The following NCAPD2 variants were observed in gnomAD, a reference collection of about 807,000 sequenced individuals.
The protein encoded by NCAPD2 is non-SMC condensin I complex subunit D2.
A neutral mutation model predicts 164.5 loss-of-function variants in NCAPD2; 100 were observed. That is an observed-to-expected ratio of 0.61 (90% CI 0.52 to 0.72). NCAPD2 has a LOEUF of 0.72. Among genes scored for constraint, NCAPD2 ranks in the 30% least tolerant of loss-of-function variants. NCAPD2 has a pLI of 0.00. For missense variants in NCAPD2, 1,560 were observed against 1,749.2 expected (o/e 0.89, Z 1.93); for synonymous variants, 585 against 642.6 (o/e 0.91, Z 1.36).
chr12:6,514,699 C>T, intron 8 of NCAPD2, 74 bp from the exon 9 acceptor site: 1 of 1,605,888 alleles, frequency 6.2e-7, no homozygotes, highest in Non-Finnish European at 8.5e-7. Context: ...TATTAGATAC[C>T]TGTCTTACCT....
chr12:6,509,625 A>T, intron 2 of NCAPD2, 92 bp from the exon 3 acceptor site: 1 of 1,152,724 alleles, frequency 8.7e-7, no homozygotes, highest in Non-Finnish European at 1.3e-6. Flanking sequence ...TTCTACCAAT[A>T]AAAGCAATAA....
intron 2 of NCAPD2, among the ~76,000 whole-genome samples, chr12:6,506,967 T>G (rs1437164870): frequency 6.6e-6 from 1 of 152,226 alleles, no homozygotes; most frequent in Non-Finnish European, 1.5e-5. Flanking sequence ...GCCTTACTTT[T>G]CTCCAGTGAG....
At chr12:6,515,028 A>G in intron 9 of NCAPD2, 108 bp downstream of exon 9, 6 of 1,228,570 alleles carry the variant, frequency 4.9e-6, no homozygotes, top group Non-Finnish European at 6.9e-6. Context: ...AGTTGTCTAG[A>G]TTTATCATTG....
chr12:6,518,504 GTTT>G (rs56183938), intron 13 of NCAPD2, among the ~76,000 whole-genome samples: 723 of 44,646 alleles, frequency 0.016, 52 homozygotes, highest in East Asian at 0.1. Context: ...CCGTCAACAA[GTTT>G]TTTTTTTTTT....
Position 6,517,346 on chromosome 12 carries a change from C to T in NCAPD2, c.1186-19C>T, listed in dbSNP as rs370726039. 20 of 1,610,256 alleles carry T rather than the reference C, an allele frequency of 1.2e-5. No individual in the cohort carries two copies. The African/African-American group carries it at 2.1e-4, about 17-fold the overall frequency. The stretch of plus-strand genomic sequence containing the variant: ...TGATGTGGGACTTGAGCAGATTCTT[C>T]TCTTCCTACCCTACACAGGCTCTCC... On this transcript the variant is annotated intron_variant, in intron 10 of 31. Coordinates refer to ENST00000315579, the MANE Select transcript of NCAPD2 (RefSeq NM_014865.4).
intron 29 of NCAPD2, 99 bp from the exon 30 acceptor site, chr12:6,530,592 A>T: frequency 4.7e-6 from 7 of 1,481,716 alleles, no homozygotes; most frequent in Non-Finnish European, 6.4e-6. Flanking sequence ...CTTCTTAGTA[A>T]TGTGCGTTTA....
In NCAPD2 at chr12:6,513,783, T is replaced by C. The variant is rs547200079; in HGVS notation, c.588-482T>C. Among the ~76,000 whole-genome samples, 7 of 143,924 alleles carry C rather than the reference T, an allele frequency of 4.9e-5. No individual in the cohort carries two copies. In the South Asian group the frequency reaches 1.1e-3, roughly 23 times the overall value. 94.4% of individuals were successfully genotyped at this position (143,924 alleles called of 152,430 possible). ...TGGCCTGGAGTGCAGTGGCATGATA[T>C]CAGCTCACTGCAACCTCCACCTCCC... On this transcript the variant is annotated intron_variant, in intron 6 of 31. Transcript: ENST00000315579.
chr12:6,523,035 T>A lies in NCAPD2; in HGVS notation c.2129+33T>A, dbSNP rs778476956. 3.1e-6 allele frequency: 5 copies of A among 1,610,146 alleles called. No individual in the cohort carries two copies. The East Asian group carries it at 6.7e-5, about 22-fold the overall frequency. Reference sequence around the variant, plus strand: ...GGGTGCTTTTGCCTTTGCTGACTTTTCCAAGGTCAGCTTCTCACAGGACTT... The same window carrying A: ...GGGTGCTTTTGCCTTTGCTGACTTTACCAAGGTCAGCTTCTCACAGGACTT... On this transcript the variant is annotated intron_variant, in intron 16 of 31. Transcript: ENST00000315579.
At chr12:6,510,167 T>C in intron 4 of NCAPD2, 34 bp downstream of exon 4, 1 of 1,565,580 alleles carries the variant, frequency 6.4e-7, no homozygotes, top group Non-Finnish European at 8.8e-7. Flanking sequence ...GGATGGAAGG[T>C]GTTTGTTATC....
At chr12:6,513,764 G>A (rs1272680867) in intron 6 of NCAPD2, among the ~76,000 whole-genome samples, 1 of 124,312 alleles carries the variant, frequency 8.0e-6, no homozygotes, top group Non-Finnish European at 1.6e-5. Context: ...CGCCTGGCCT[G>A]GAGTGCAGTG....
At chr12:6,505,924 A>T (rs532908340) in intron 2 of NCAPD2, among the ~76,000 whole-genome samples, 5 of 152,144 alleles carry the variant, frequency 3.3e-5, no homozygotes, top group African/African-American at 9.6e-5. Context: ...TTGGGCTGTG[A>T]ATGATGTCAT....
In NCAPD2 at chr12:6,530,108, C is replaced by G. The variant is rs1946357704; in HGVS notation, c.3837+150C>G. 3 of 745,858 alleles carry G rather than the reference C, an allele frequency of 4.0e-6. No individual in the cohort carries two copies. In the Admixed American group the frequency reaches 1.0e-4, roughly 25 times the overall value. The allele number at this position is 745,858 out of a possible 1,614,324, so 46.2% of individuals were successfully genotyped here. A position where few individuals can be genotyped will look rare whatever the true frequency, so the allele number is the denominator to read the frequency against. On this transcript the variant is annotated intron_variant, in intron 29 of 31. Coordinates refer to ENST00000315579, the MANE Select transcript of NCAPD2 (RefSeq NM_014865.4). ...ACCAAATTGCCAGAGTGACCTAAGA[C>G]CAGATCTTTGTCTCCAGTTCTTTTT...
rs1406807438 is a variant in NCAPD2, at chr12:6,504,216, T to TACACATATATATACACATATATATACAC, written c.128-5500_128-5499insCACATATATATACACATATATATACACA. 1.0e-3 allele frequency among the ~76,000 whole-genome samples: 24 copies of TACACATATATATACACATATATATACAC among 23,236 alleles called. 2 individuals carry two copies. Among genetic ancestry groups the TACACATATATATACACATATATATACAC allele is most frequent in the Non-Finnish European group, 1.9e-3 (24 of 12,732 alleles). 15.2% of individuals were successfully genotyped at this position (23,236 alleles called of 152,430 possible). A position where few individuals can be genotyped will look rare whatever the true frequency, so the allele number is the denominator to read the frequency against. On this transcript the variant is annotated intron_variant, in intron 2 of 31. Transcript: ENST00000315579. ...ATATATATATATATATATATATATA[T>TACACATATATATACACATATATATACAC]AGATATAGATATATATATATATATA... is the stretch of plus-strand genomic sequence containing the variant.
At chr12:6,515,023 T>C in intron 9 of NCAPD2, 103 bp downstream of exon 9, 1 of 1,253,040 alleles carries the variant, frequency 8.0e-7, no homozygotes. Context: ...TGACAAGTTG[T>C]CTAGATTTAT....
At position 6,514,823 on chromosome 12, in the gene NCAPD2, C is replaced by G; in HGVS notation, c.890C>G (p.Thr297Arg). ...GAGCTGAGTCGAGACCCTTCAGGGACAAAGGGCTTTGCAGCATTCCTGACA... is the reference window on the plus strand; with the variant it reads ...GAGCTGAGTCGAGACCCTTCAGGGAGAAAGGGCTTTGCAGCATTCCTGACA... ...PQELSRDPSG[T>R]KGFAAFLTEL... The change falls in exon 9 of 32, where the codon ACA becomes AGA. Residue 297 changes from threonine to arginine, a missense_variant. Physicochemically the swap from Thr to Arg is moderately conservative, Grantham distance 71 (BLOSUM62 -1). Transcript: ENST00000315579. 2 of 1,614,198 alleles carry G rather than the reference C, an allele frequency of 1.2e-6. No homozygotes were observed. Among genetic ancestry groups the G allele is most frequent in the Non-Finnish European group, 1.7e-6 (2 of 1,180,054 alleles).
At chr12:6,506,841 T>C (rs1442541056) in intron 2 of NCAPD2, among the ~76,000 whole-genome samples, 1 of 152,130 alleles carries the variant, frequency 6.6e-6, no homozygotes, top group African/African-American at 2.4e-5. Context: ...TGAGACTTTG[T>C]CTCAAAAGAA....
Position 6,531,078 on chromosome 12 carries a change from T to G in NCAPD2, c.4120+2T>G. ...CAAGTGATGAGTCCAGTGAGGAAGG[T>G]ATGATGCTCCCGCCTGTTCCCGGCC... is the stretch of plus-strand genomic sequence containing the variant. On this transcript the variant is annotated splice_donor_variant, in intron 31 of 31. Coordinates refer to ENST00000315579, the MANE Select transcript of NCAPD2 (RefSeq NM_014865.4). LOFTEE classifies it high-confidence loss of function. The surrounding 1 kb of genome is among the most constrained non-coding windows in gnomAD (Gnocchi z 4.1). The G allele has an allele frequency of 6.2e-7, 1 of 1,612,938 alleles. No homozygotes were observed. The highest frequency in any genetic ancestry group is 8.5e-7 in the Non-Finnish European group (1 of 1,179,930).
intron 13 of NCAPD2, among the ~76,000 whole-genome samples, chr12:6,518,504 G>GTTTTTTTTTTTTTGT (rs1946227029): frequency 4.5e-5 from 2 of 44,782 alleles, no homozygotes; most frequent in African/African-American, 1.0e-4. Flanking sequence ...CCGTCAACAA[G>GTTTTTTTTTTTTTGT]TTTTTTTTTT....
Position 6,531,390 on chromosome 12 carries a change from C to G in NCAPD2, c.4184C>G (p.Ser1395Trp). 4.3e-6 allele frequency: 7 copies of G among 1,613,876 alleles called. No homozygotes were observed. Among genetic ancestry groups the G allele is most frequent in the Non-Finnish European group, 5.9e-6 (7 of 1,179,996 alleles). ...PKKTTPILRA[S>W]ARRHRS ...AAAACAACTCCCATTCTCAGAGCAT[C>G]GGCTCGCAGGCACAGATCCTAGGAA... The change falls in exon 32 of 32, where the codon TCG (serine) becomes TGG (tryptophan). Residue 1395 changes from serine to tryptophan, a missense_variant. Ser to Trp is a radical substitution (Grantham distance 177, BLOSUM62 -3). Coordinates refer to ENST00000315579, the MANE Select transcript of NCAPD2 (RefSeq NM_014865.4). This position sits in a 1 kb window ranked among gnomAD's most constrained non-coding sequence, Gnocchi z 4.1.
Sources: allele counts gnomAD v4.1 joint callset (sites outside exome capture counted in the v4.1 genomes callset), GRCh38; gene constraint gnomAD v4.1.1; non-coding constraint Gnocchi (gnomAD v3.1); transcripts MANE v1.5; gene names NCBI Gene and HGNC (gene_info 2026-07-23, HGNC 2026-07-21).